Variants in METTL9 observed in about 807,000 individuals in gnomAD.
METTL9 encodes methyltransferase 9, His-X-His N1(pi)-histidine.
METTL9 carries 10 observed loss-of-function variants against 36.0 expected under a neutral mutation model. The ratio of observed to expected loss-of-function variants is 0.28; its 90% CI spans 0.17 to 0.47. The LOEUF (loss-of-function observed/expected upper bound fraction) is 0.47, where lower values mean the gene tolerates loss of function less well. Among genes scored for constraint, METTL9 ranks in the 20% least tolerant of loss-of-function variants. METTL9 has a pLI of 0.99. For synonymous variants in METTL9, 175 were observed against 149.7 expected (o/e 1.17, Z -1.23); for missense variants, 246 against 383.5 (o/e 0.64, Z 3.00).
In METTL9 at chr16:21,655,377, T is replaced by C. The variant is rs1202210473; in HGVS notation, c.902T>C (p.Met301Thr). 1 of 1,614,058 alleles carries C rather than the reference T, an allele frequency of 6.2e-7. No homozygotes were observed. The highest frequency in any genetic ancestry group is 1.3e-5 in the African/African-American group (1 of 74,920). Residue 301 changes from methionine (M) to threonine (T), a missense_variant, in exon 5 of 5, where the codon ATG becomes ACG. Coordinates refer to ENST00000358154, the MANE Select transcript of METTL9 (RefSeq NM_016025.5). ...TRLPYLCEGD[M>T]YNDYYVLDDA... is the part of the protein sequence containing the mutation. ...CTACCATACCTGTGTGAAGGCGACA[T>C]GTATAATGACTACTACGTTCTGGAT...
chr16:21,620,173 C>G, intron 3 of METTL9, among the ~76,000 whole-genome samples: 1 of 152,118 alleles, frequency 6.6e-6, no homozygotes, highest in East Asian at 1.9e-4. Context: ...CTGTTTAAGT[C>G]CTTATCACTG....
chr16:21,615,420 G>A (rs7206367), intron 2 of METTL9, among the ~76,000 whole-genome samples: 26 of 152,008 alleles, frequency 1.7e-4, no homozygotes, highest in African/African-American at 6.3e-4. Flanking sequence ...TATAGAGACG[G>A]GGTTTCACCA....
At chr16:21,646,844 T>G in intron 4 of METTL9, 1 of 394,670 alleles carries the variant, frequency 2.5e-6, no homozygotes, top group Non-Finnish European at 4.9e-6. Flanking sequence ...TGAGTAGAGA[T>G]GGGGTTTCAC....
rs3046231 is a variant in METTL9 at position 21,605,257 on chromosome 16, CTTTTTTTTTTTTTTTTTTTTTTTT to C, written c.165+5375_165+5398del. Among the ~76,000 whole-genome samples the C allele has an allele frequency of 1.0e-3, 51 of 51,236 alleles. 1 individual carries two copies. The highest frequency in any genetic ancestry group is 2.1e-3 in the East Asian group (3 of 1,422). 33.6% of individuals were successfully genotyped at this position (51,236 alleles called of 152,430 possible). Reference sequence around the variant, plus strand: ...GGGGTGGTAAAAATAGGCTTGCCTTCTTTTTTTTTTTTTTTTTTTTTTTTTTTTTTTTTTTTTTTGAGAAACAAG... The same window carrying C: ...GGGGTGGTAAAAATAGGCTTGCCTTCTTTTTTTTTTTTTTTGAGAAACAAG... On this transcript the variant is annotated intron_variant, in intron 1 of 4. Coordinates refer to ENST00000358154, the MANE Select transcript of METTL9 (RefSeq NM_016025.5).
Position 21,643,097 on chromosome 16 carries a change from G to T in METTL9, c.752-12130G>T. The T allele has an allele frequency of 6.2e-7, 1 of 1,605,334 alleles. No homozygotes were observed. On this transcript the variant is annotated intron_variant, in intron 4 of 4. Transcript: ENST00000358154. ...ACAGATTGCTGATTTGTTTCCACAT[G>T]TCTCTTATGGTATAGTTCTTGAGCA... is the stretch of plus-strand genomic sequence containing the variant.
chr16:21,634,369 G>A (rs1386690441), intron 4 of METTL9, among the ~76,000 whole-genome samples: 1 of 152,126 alleles, frequency 6.6e-6, no homozygotes, highest in Non-Finnish European at 1.5e-5. Context: ...TTGTCTTCTG[G>A]GGCAGTGCAC....
chr16:21,621,147 A>AGT (rs1276359781), intron 3 of METTL9, among the ~76,000 whole-genome samples: 3 of 149,958 alleles, frequency 2.0e-5, no homozygotes, highest in South Asian at 2.1e-4. Flanking sequence ...TTTGAGAGAG[A>AGT]GAGTGTGTGT....
intron 3 of METTL9, among the ~76,000 whole-genome samples, chr16:21,619,832 C>T (rs1965650617): frequency 6.6e-6 from 1 of 152,060 alleles, no homozygotes; most frequent in Admixed American, 6.6e-5. Flanking sequence ...TGGAGTCAGC[C>T]TTTCTCTGTG....
intron 4 of METTL9, among the ~76,000 whole-genome samples, chr16:21,637,617 C>T (rs1446778937): frequency 6.6e-6 from 1 of 152,252 alleles, no homozygotes; most frequent in Non-Finnish European, 1.5e-5. Context: ...GGGAGCTTGT[C>T]CCCTGATTAA....
At chr16:21,639,668 A>C (rs904262631) in intron 4 of METTL9, 2 of 152,182 alleles carry the variant, frequency 1.3e-5, no homozygotes, top group African/African-American at 4.8e-5. Context: ...CATATACCGT[A>C]TACAAAACAC....
intron 2 of METTL9, among the ~76,000 whole-genome samples, chr16:21,616,677 C>T (rs1965561437): frequency 6.6e-6 from 1 of 152,164 alleles, no homozygotes; most frequent in African/African-American, 2.4e-5. Flanking sequence ...TATAAACTGA[C>T]ATAAGTACGA....
chr16:21,643,212 A>G, intron 4 of METTL9: 2 of 1,300,064 alleles, frequency 1.5e-6, no homozygotes, highest in Non-Finnish European at 2.2e-6. Context: ...GATGATAACG[A>G]CGCATCATCA....
At chr16:21,623,159 A>G (rs540591473) in intron 3 of METTL9, among the ~76,000 whole-genome samples, 1 of 152,304 alleles carries the variant, frequency 6.6e-6, no homozygotes, top group South Asian at 2.1e-4. Context: ...TTAAAGCCTG[A>G]ATGCTCTACT....
intron 4 of METTL9, chr16:21,643,298 C>G (rs1000953483): frequency 6.1e-6 from 4 of 659,792 alleles, no homozygotes; most frequent in Admixed American, 5.5e-5. Context: ...ACAGTTAACT[C>G]TTTTGTATTT....
At chr16:21,639,574 G>A (rs1313271133) in intron 4 of METTL9, 3 of 152,214 alleles carry the variant, frequency 2.0e-5, no homozygotes, top group Non-Finnish European at 2.9e-5. Context: ...TGGCAGGAAA[G>A]TATTAGCATT....
At chr16:21,638,224 A>G (rs1966156210) in intron 4 of METTL9, among the ~76,000 whole-genome samples, 2 of 152,214 alleles carry the variant, frequency 1.3e-5, no homozygotes, top group South Asian at 4.1e-4. Flanking sequence ...AGGCTGAGGC[A>G]GGAGAATCAC....
intron 4 of METTL9, among the ~76,000 whole-genome samples, chr16:21,650,740 A>G (rs1403346249): frequency 6.6e-6 from 1 of 152,042 alleles, no homozygotes; most frequent in Non-Finnish European, 1.5e-5. Flanking sequence ...CCCTCCCCCA[A>G]CCAGTTAGGC....
intron 4 of METTL9, chr16:21,646,383 A>T (rs1966430603): frequency 6.6e-6 from 1 of 152,130 alleles, no homozygotes; most frequent in Non-Finnish European, 1.5e-5. Flanking sequence ...ATCTGTGCTT[A>T]TTCTCCATGT....
At chr16:21,621,110 C>G (rs1359411968) in intron 3 of METTL9, among the ~76,000 whole-genome samples, 3 of 151,884 alleles carry the variant, frequency 2.0e-5, no homozygotes. Flanking sequence ...GCTGGGACTA[C>G]AGGTGCCTGC....
Sources: gnomAD v4.1 joint callset for allele counts (sites outside exome capture counted in the v4.1 genomes callset) on GRCh38, gnomAD v4.1.1 for gene constraint, MANE v1.5 for transcripts, NCBI Gene and HGNC (gene_info 2026-07-23, HGNC 2026-07-21) for gene names.